The following ANO4 variants were observed in gnomAD, a reference collection of about 807,000 sequenced individuals.
ANO4 encodes anoctamin 4.
A neutral mutation model predicts 141.9 loss-of-function variants in ANO4; 69 were observed. The observed-to-expected ratio is 0.49, with a 90% CI of 0.40 to 0.59. The LOEUF is 0.59. Ranked by LOEUF, ANO4 falls within the 20% of genes least tolerant of loss-of-function variation. The pLI is 0.00. For missense variants in ANO4, 894 were observed against 1,162.2 expected (o/e 0.77, Z 3.36); for synonymous variants, 350 against 394.3 (o/e 0.89, Z 1.33).
chr12:100,963,476 CTG>C (rs376705210), intron 5 of ANO4, among the ~76,000 whole-genome samples: 1 of 151,688 alleles, frequency 6.6e-6, no homozygotes, highest in South Asian at 2.1e-4. Flanking sequence ...CACCAGGACA[CTG>C]TGTGTGTGTG....
At chr12:100,772,932 C>T (rs2033361278) in intron 3 of ANO4, among the ~76,000 whole-genome samples, 1 of 152,216 alleles carries the variant, frequency 6.6e-6, no homozygotes, top group Admixed American at 6.5e-5. Context: ...CTCCTGTTTC[C>T]TGTCCCAATT....
intron 2 of ANO4, among the ~76,000 whole-genome samples, chr12:100,918,236 A>G (rs186188727): frequency 5.3e-5 from 8 of 152,332 alleles, no homozygotes; most frequent in Non-Finnish European, 7.4e-5. Context: ...GTGAGGTGGG[A>G]GAATTGCTTG....
At chr12:101,010,169 T>C (rs1468477931) in intron 8 of ANO4, among the ~76,000 whole-genome samples, 1 of 152,176 alleles carries the variant, frequency 6.6e-6, no homozygotes, top group Admixed American at 6.5e-5. Flanking sequence ...TGAGTGTTCT[T>C]ACTGTTATTT....
At chr12:100,778,967 G>A (rs1158609089) in intron 3 of ANO4, among the ~76,000 whole-genome samples, 1 of 151,894 alleles carries the variant, frequency 6.6e-6, no homozygotes, top group Admixed American at 6.6e-5. Flanking sequence ...GGGTGAAGAA[G>A]GGAGATTTCT....
At chr12:100,976,151 A>C (rs1433364639) in intron 7 of ANO4, among the ~76,000 whole-genome samples, 1 of 152,176 alleles carries the variant, frequency 6.6e-6, no homozygotes, top group Non-Finnish European at 1.5e-5. Flanking sequence ...AGCTGAGCTG[A>C]GCTGATGGTT....
rs571821474 is a variant in ANO4 at position 100,798,153 on chromosome 12, G to A, written c.-141+3126G>A. Among the ~76,000 whole-genome samples the A allele has an allele frequency of 3.3e-5, 5 of 152,302 alleles. No homozygotes were observed. The East Asian group carries it at 9.7e-4, about 29-fold the overall frequency. On this transcript the variant is annotated intron_variant, in intron 1 of 27. Transcript: ENST00000392977. ...TGTCTAAAAGGTCTTTGTGTTAAGA[G>A]GGGGAGTTTATGGGTGTTATAAAGT...
At chr12:101,115,722 T>A (rs1189419480) in intron 24 of ANO4, among the ~76,000 whole-genome samples, 1 of 152,244 alleles carries the variant, frequency 6.6e-6, no homozygotes, top group Non-Finnish European at 1.5e-5. Context: ...TGCTACTTGC[T>A]ATGATACTTT....
chr12:100,979,895 C>CTTTGT, intron 7 of ANO4, among the ~76,000 whole-genome samples: 1 of 119,420 alleles, frequency 8.4e-6, no homozygotes, highest in Non-Finnish European at 1.7e-5. Flanking sequence ...GCCCAGCTGA[C>CTTTGT]TTTTTTTTTT....
chr12:100,781,394 C>A (rs1229353890), intron 3 of ANO4, among the ~76,000 whole-genome samples: 1 of 152,104 alleles, frequency 6.6e-6, no homozygotes, highest in African/African-American at 2.4e-5. Flanking sequence ...ATTTTTCTTA[C>A]AACTACAAGC....
At chr12:101,095,008 T>A (rs2049923962) in intron 18 of ANO4, among the ~76,000 whole-genome samples, 1 of 152,154 alleles carries the variant, frequency 6.6e-6, no homozygotes, top group South Asian at 2.1e-4. Flanking sequence ...ATTTTCAAAA[T>A]AAAGAAATTG....
chr12:100,723,363 T>G (rs1012426994), intron 1 of ANO4, among the ~76,000 whole-genome samples: 19 of 152,088 alleles, frequency 1.2e-4, no homozygotes, highest in Non-Finnish European at 4.4e-5. Context: ...TAATGTATGG[T>G]GAGGGCCTGT....
At chr12:101,013,652 T>C (rs2046198074) in intron 8 of ANO4, among the ~76,000 whole-genome samples, 2 of 152,220 alleles carry the variant, frequency 1.3e-5, no homozygotes, top group Admixed American at 1.3e-4. Context: ...GCTACTTAAA[T>C]TTAATTTTTA....
intron 1 of ANO4, among the ~76,000 whole-genome samples, chr12:100,808,106 G>A (rs2035173217): frequency 6.6e-6 from 1 of 152,048 alleles, no homozygotes. Flanking sequence ...GGGTTGAATG[G>A]TATTTCTGTC....
intron 8 of ANO4, among the ~76,000 whole-genome samples, chr12:101,011,111 C>G (rs536343326): frequency 6.6e-6 from 1 of 152,198 alleles, no homozygotes; most frequent in East Asian, 1.9e-4. Context: ...GCTTCTTTAC[C>G]CTGGCAGCCT....
chr12:101,021,622 A>T (rs1039032119), intron 9 of ANO4, among the ~76,000 whole-genome samples: 4 of 152,200 alleles, frequency 2.6e-5, no homozygotes, highest in African/African-American at 7.2e-5. Flanking sequence ...GCATTAAATG[A>T]CAAGACTCAG....
intron 3 of ANO4, among the ~76,000 whole-genome samples, chr12:100,759,750 G>A (rs903541213): frequency 5.9e-5 from 9 of 152,152 alleles, no homozygotes; most frequent in African/African-American, 9.7e-5. Context: ...TTTTGAGCCC[G>A]TTTCCCCATG....
intron 5 of ANO4, among the ~76,000 whole-genome samples, chr12:100,962,449 C>A (rs2043465180): frequency 6.6e-6 from 1 of 152,132 alleles, no homozygotes; most frequent in Non-Finnish European, 1.5e-5. Context: ...CTTCAAACTT[C>A]AAGGCTTCAA....
intron 26 of ANO4, among the ~76,000 whole-genome samples, chr12:101,122,305 A>G (rs1359006033): frequency 6.6e-6 from 1 of 152,060 alleles, no homozygotes; most frequent in Non-Finnish European, 1.5e-5. Flanking sequence ...TATTGGGTGC[A>G]TAGTTTGCAA....
intron 1 of ANO4, among the ~76,000 whole-genome samples, chr12:100,819,626 A>G (rs746275274): frequency 6.6e-6 from 1 of 152,014 alleles, no homozygotes; most frequent in Non-Finnish European, 1.5e-5. Context: ...ATTAGTGATG[A>G]TAGGTTCGCT....
Sources: gnomAD v4.1 joint callset for allele counts (sites outside exome capture counted in the v4.1 genomes callset) on GRCh38, gnomAD v4.1.1 for gene constraint, MANE v1.5 for transcripts, NCBI Gene and HGNC (gene_info 2026-07-23, HGNC 2026-07-21) for gene names.